The following RYR3 variants were observed in gnomAD, a reference collection of about 807,000 sequenced individuals.
RYR3 encodes ryanodine receptor 3.
Under a neutral mutation model 584.3 loss-of-function variants are expected in RYR3, and 207 were observed. That is an observed-to-expected ratio of 0.35 (90% confidence interval 0.32 to 0.40). The LOEUF is 0.40. Among genes scored for constraint, RYR3 ranks in the 10% least tolerant of loss-of-function variants. RYR3 has a pLI of 1.00. For missense variants in RYR3, 5,616 were observed against 6,089.2 expected, an observed-to-expected ratio of 0.92 and a Z score of 2.59; for synonymous variants, 2,416 against 2,248.5, an observed-to-expected ratio of 1.07 and a Z score of -2.11.
chr15:33,385,292 T>C (rs761212657), intron 1 of RYR3, among the ~76,000 whole-genome samples: 1 of 151,678 alleles, frequency 6.6e-6, no homozygotes, highest in Non-Finnish European at 1.5e-5. Flanking sequence ...TTAATAGTAC[T>C]TTTTTTTTCC....
At chr15:33,710,104 A>G (rs1443172538) in intron 43 of RYR3, among the ~76,000 whole-genome samples, 1 of 152,206 alleles carries the variant, frequency 6.6e-6, no homozygotes, top group Non-Finnish European at 1.5e-5. Context: ...GTATTAGACC[A>G]TTCTTGCATT....
At position 33,323,957 on chromosome 15, in the gene RYR3, G is replaced by C. The variant is rs530967215; in HGVS notation, c.51+12861G>C. ...CAATTAAATGCAGATTAGAAGGCAG[G>C]TTTATTGAGGTTTTGAAGTAAAGGA... On this transcript the variant is annotated intron_variant, in intron 1 of 103. Transcript: ENST00000634891. 7.3e-4 allele frequency among the ~76,000 whole-genome samples: 111 copies of C among 152,216 alleles called. 1 individual carries two copies. Among genetic ancestry groups the C allele is most frequent in the African/African-American group, 2.4e-3 (101 of 41,494 alleles).
intron 26 of RYR3, 118 bp downstream of exon 26, chr15:33,635,937 G>A (rs1338546895): frequency 3.7e-6 from 3 of 811,692 alleles, no homozygotes; most frequent in South Asian, 1.7e-5. Flanking sequence ...CACCACCACT[G>A]GCTAATGTAG....
At chr15:33,857,109 A>G (rs771219373) in intron 98 of RYR3, among the ~76,000 whole-genome samples, 4 of 152,200 alleles carry the variant, frequency 2.6e-5, no homozygotes, top group African/African-American at 9.6e-5. Flanking sequence ...TATTTTACTT[A>G]CGCCCAATCT....
intron 43 of RYR3, among the ~76,000 whole-genome samples, chr15:33,716,352 G>A (rs578110673): frequency 4.6e-5 from 7 of 152,268 alleles, no homozygotes; most frequent in Non-Finnish European, 1.0e-4. Context: ...TCAAACCATA[G>A]TATAAAGCGT....
Position 33,742,649 on chromosome 15 carries a change from T to C in RYR3, c.7899+205T>C, listed in dbSNP as rs116507069. ...AGCAGCTGCTGGTGTTGCTTTTGTA[T>C]TTCTCAAGAAAATGATCAATTCTGG... On this transcript the variant is annotated intron_variant, in intron 52 of 103. Transcript: ENST00000634891. 8.0e-3 allele frequency among the ~76,000 whole-genome samples: 1,214 copies of C among 152,348 alleles called. 17 individuals are homozygous for C. Among genetic ancestry groups the C allele is most frequent in the African/African-American group, 0.028 (1,145 of 41,574 alleles).
At chr15:33,750,665 CT>C (rs1277386970) in intron 57 of RYR3, among the ~76,000 whole-genome samples, 1 of 152,144 alleles carries the variant, frequency 6.6e-6, no homozygotes, top group African/African-American at 2.4e-5. Flanking sequence ...GGAATTTGGG[CT>C]TCTTTAAAGA....
At chr15:33,652,052 G>A (rs991275815) in intron 31 of RYR3, among the ~76,000 whole-genome samples, 1 of 152,184 alleles carries the variant, frequency 6.6e-6, no homozygotes, top group Non-Finnish European at 1.5e-5. Context: ...GTAAATACCT[G>A]TCATGGAGTT....
At chr15:33,717,726 TGCAGGTCC>T (rs1310041428) in intron 43 of RYR3, among the ~76,000 whole-genome samples, 2 of 152,268 alleles carry the variant, frequency 1.3e-5, no homozygotes, top group Non-Finnish European at 2.9e-5. Context: ...AAAGCTCTGC[TGCAGGTCC>T]ACAGGTCTGC....
At chr15:33,609,859 G>A (rs2060089777) in intron 18 of RYR3, among the ~76,000 whole-genome samples, 1 of 152,122 alleles carries the variant, frequency 6.6e-6, no homozygotes, top group African/African-American at 2.4e-5. Flanking sequence ...TCCATACAGT[G>A]AGCTAAGAGT....
intron 60 of RYR3, among the ~76,000 whole-genome samples, chr15:33,761,069 G>A (rs1337779505): frequency 1.3e-5 from 2 of 152,124 alleles, no homozygotes; most frequent in Non-Finnish European, 2.9e-5. Flanking sequence ...AAGACACAAT[G>A]TACCAGAATC....
At chr15:33,842,570 G>A (rs138458470) in intron 91 of RYR3, among the ~76,000 whole-genome samples, 14 of 152,318 alleles carry the variant, frequency 9.2e-5, no homozygotes, top group African/African-American at 3.4e-4. Context: ...CATTAGTGAG[G>A]GCTCCCCACA....
intron 38 of RYR3, among the ~76,000 whole-genome samples, chr15:33,685,559 C>T (rs8031942): frequency 0.053 from 8,033 of 152,200 alleles, 506 homozygotes; most frequent in African/African-American, 0.15. Flanking sequence ...CAAGGATATC[C>T]AGGAATTGAA....
chr15:33,728,356 T>G (rs2068638267), intron 46 of RYR3, among the ~76,000 whole-genome samples: 1 of 152,230 alleles, frequency 6.6e-6, no homozygotes, highest in Non-Finnish European at 1.5e-5. Flanking sequence ...GTGAAATAAT[T>G]AGGAAGTAAT....
intron 46 of RYR3, among the ~76,000 whole-genome samples, chr15:33,728,281 C>T (rs749810203): frequency 1.2e-4 from 19 of 152,136 alleles, no homozygotes; most frequent in Admixed American, 1.0e-3. Context: ...CATGGCACAC[C>T]ATTAGATTGT....
At position 33,437,037 on chromosome 15, in the gene RYR3, C is replaced by G. The variant is rs1203500390; in HGVS notation, c.52-36382C>G. The stretch of plus-strand genomic sequence containing the variant: ...GTGCTAACTAGTTGTCTTAGCATCA[C>G]TTATTGTAATGATTTATACTTTCAA... On this transcript the variant is annotated intron_variant, in intron 1 of 103. Transcript: ENST00000634891. Among the ~76,000 whole-genome samples, 6 of 151,862 alleles carry G rather than the reference C, an allele frequency of 4.0e-5. No homozygotes were observed. In the East Asian group the frequency reaches 1.2e-3, roughly 29 times the overall value.
At chr15:33,619,637 G>A (rs972584558) in intron 19 of RYR3, among the ~76,000 whole-genome samples, 16 of 152,280 alleles carry the variant, frequency 1.1e-4, no homozygotes, top group Admixed American at 2.6e-4. Context: ...TCAGTAATTC[G>A]AAAGTTCTAT....
chr15:33,688,551 C>A lies in RYR3; in HGVS notation c.5861-7667C>A, dbSNP rs545345022. Among the ~76,000 whole-genome samples, 4 of 135,954 alleles carry A rather than the reference C, an allele frequency of 2.9e-5. No homozygotes were observed. In the East Asian group the frequency reaches 8.8e-4, roughly 30 times the overall value. The allele number at this position is 135,954 out of a possible 152,430, so 89.2% of individuals were successfully genotyped here. A position where few individuals can be genotyped will look rare whatever the true frequency, so the allele number is the denominator to read the frequency against. On this transcript the variant is annotated intron_variant, in intron 38 of 103. Coordinates refer to ENST00000634891, the MANE Select transcript of RYR3 (RefSeq NM_001036.6). ...TTGCGCCACTGCACTCCAGCCTGGG[C>A]GACAGAGCGAGACTCCATCTCAAAA...
rs979821148 is a variant in RYR3, at chr15:33,649,291, C to T, written c.4142+56C>T. On this transcript the variant is annotated intron_variant, in intron 31 of 103. Coordinates refer to ENST00000634891, the MANE Select transcript of RYR3 (RefSeq NM_001036.6). ...CATCGGGCTTCTCAGTCCCTCCCCC[C>T]AGTCTTTTTCTTCCACCCCACACCC... 2.0e-6 allele frequency: 3 copies of T among 1,523,266 alleles called. No homozygotes were observed. The Admixed American group carries it at 5.2e-5, about 26-fold the overall frequency. 94.4% of individuals were successfully genotyped at this position (1,523,266 alleles called of 1,614,324 possible). A position where few individuals can be genotyped will look rare whatever the true frequency, so the allele number is the denominator to read the frequency against.
Sources: allele counts gnomAD v4.1 joint callset (sites outside exome capture counted in the v4.1 genomes callset), GRCh38; gene constraint gnomAD v4.1.1; transcripts MANE v1.5; gene names NCBI Gene and HGNC (gene_info 2026-07-23, HGNC 2026-07-21).